The following APBB2 variants were observed in gnomAD, a reference collection of about 807,000 sequenced individuals.
The protein encoded by APBB2 is Fe65-like 1.
APBB2 carries 38 observed loss-of-function variants against 82.5 expected under a neutral mutation model. The ratio of observed to expected loss-of-function variants is 0.46; its 90% CI spans 0.36 to 0.60. The LOEUF (loss-of-function observed/expected upper bound fraction) is 0.60, where lower values mean the gene tolerates loss of function less well. APBB2 is among the 20% of genes least tolerant of loss of function. The pLI is 0.00. For synonymous variants in APBB2, 341 were observed against 368.2 expected (o/e 0.93, Z 0.85); for missense variants, 772 against 972.3 (o/e 0.79, Z 2.74).
intron 1 of APBB2, among the ~76,000 whole-genome samples, chr4:41,148,610 G>A (rs531417425): frequency 3.3e-5 from 5 of 152,334 alleles, no homozygotes; most frequent in African/African-American, 1.2e-4. Flanking sequence ...TGTGATCTGT[G>A]GGAAGGCTCA....
At chr4:41,076,238 T>G (rs1735603353) in intron 3 of APBB2, among the ~76,000 whole-genome samples, 1 of 152,158 alleles carries the variant, frequency 6.6e-6, no homozygotes, top group Non-Finnish European at 1.5e-5. Flanking sequence ...AAGTGTAAGT[T>G]AAGACACAGT....
At chr4:40,967,496 G>A (rs762357388) in intron 6 of APBB2, among the ~76,000 whole-genome samples, 4 of 152,154 alleles carry the variant, frequency 2.6e-5, no homozygotes, top group African/African-American at 4.8e-5. Context: ...GCACCGATGC[G>A]TTTACTGGTG....
chr4:40,903,421 C>G (rs144098206), intron 10 of APBB2, among the ~76,000 whole-genome samples: 1 of 152,142 alleles, frequency 6.6e-6, no homozygotes, highest in Non-Finnish European at 1.5e-5. Flanking sequence ...GAGCCAAGAT[C>G]GTGCCACTGC....
intron 7 of APBB2, among the ~76,000 whole-genome samples, chr4:40,942,033 G>C (rs1207809873): frequency 6.6e-6 from 1 of 152,062 alleles, no homozygotes; most frequent in East Asian, 1.9e-4. Flanking sequence ...TTGGTGACAG[G>C]GTCTGCACAT....
rs928985740 is a variant in APBB2, at chr4:41,065,623, G to A, written c.-98C>T. The A allele has an allele frequency of 2.6e-5, 4 of 151,912 alleles. No individual in the cohort carries two copies. The highest frequency in any genetic ancestry group is 9.7e-5 in the African/African-American group (4 of 41,340). 9.4% of individuals were successfully genotyped at this position (151,912 alleles called of 1,614,324 possible). The stretch of plus-strand genomic sequence containing the variant: ...AGCCCATAGCGACAGTCAACACATT[G>A]GCAGAGGCCTCGGCAGTTCCCAAGT... On this transcript the variant is annotated 5_prime_UTR_variant, in exon 4 of 18. Coordinates refer to ENST00000508593, the MANE Select transcript of APBB2 (RefSeq NM_004307.2).
rs146552453 is a variant in APBB2, at chr4:41,078,077, T to C, written c.-148-12404A>G. Among the ~76,000 whole-genome samples the C allele has an allele frequency of 2.0e-4, 31 of 152,182 alleles. No homozygotes were observed. The East Asian group carries it at 4.2e-3, about 21-fold the overall frequency. On this transcript the variant is annotated intron_variant, in intron 3 of 17. Transcript: ENST00000508593. ...CTGCATAGCTCAGCTGTGAAAAATA[T>C]TTACAGTGAAAACAAACTGAGATAT...
At chr4:41,021,559 C>T (rs899644262) in intron 5 of APBB2, among the ~76,000 whole-genome samples, 5 of 151,936 alleles carry the variant, frequency 3.3e-5, no homozygotes, top group Non-Finnish European at 7.4e-5. Flanking sequence ...TCTGTAAAAA[C>T]GCACCAATCA....
At chr4:40,881,336 C>T in intron 12 of APBB2, 16 of 985,178 alleles carry the variant, frequency 1.6e-5, no homozygotes, top group Non-Finnish European at 1.8e-5. Context: ...TCTTTCATTA[C>T]TGACTGGCTC....
intron 2 of APBB2, among the ~76,000 whole-genome samples, chr4:41,102,729 A>G (rs1745917115): frequency 6.6e-6 from 1 of 152,198 alleles, no homozygotes; most frequent in Non-Finnish European, 1.5e-5. Flanking sequence ...CCACTTCACA[A>G]TAACTCCTAA....
intron 1 of APBB2, among the ~76,000 whole-genome samples, chr4:41,147,569 T>C (rs750797823): frequency 3.3e-5 from 5 of 149,644 alleles, no homozygotes; most frequent in Non-Finnish European, 7.4e-5. Flanking sequence ...CAGCTCACTG[T>C]AACCTCCACC....
chr4:41,134,700 T>C (rs927773333), intron 2 of APBB2, among the ~76,000 whole-genome samples: 1 of 152,130 alleles, frequency 6.6e-6, no homozygotes, highest in African/African-American at 2.4e-5. Context: ...GTTGTGAGGA[T>C]CAAATGAAGT....
intron 11 of APBB2, among the ~76,000 whole-genome samples, chr4:40,892,014 C>T (rs919809061): frequency 6.0e-5 from 9 of 150,256 alleles, no homozygotes; most frequent in Admixed American, 2.0e-4. Context: ...TGCAATGGCA[C>T]GATAGCTCAC....
intron 6 of APBB2, among the ~76,000 whole-genome samples, chr4:40,971,487 A>G (rs1795913330): frequency 6.6e-6 from 1 of 152,210 alleles, no homozygotes; most frequent in Admixed American, 6.5e-5. Flanking sequence ...AAGCAGGAGG[A>G]GCTTTCTCTG....
At chr4:40,889,292 T>G (rs768464196) in intron 12 of APBB2, among the ~76,000 whole-genome samples, 4 of 152,238 alleles carry the variant, frequency 2.6e-5, no homozygotes, top group Non-Finnish European at 5.9e-5. Context: ...AATCCTTCCT[T>G]TCTGGTTTAG....
intron 1 of APBB2, among the ~76,000 whole-genome samples, chr4:41,176,514 C>A (rs1318300809): frequency 2.0e-5 from 3 of 151,760 alleles, no homozygotes; most frequent in African/African-American, 7.3e-5. Context: ...GGTCAAAAAA[C>A]AAAAGCAGAA....
chr4:41,113,637 A>T (rs1178441482), intron 2 of APBB2, among the ~76,000 whole-genome samples: 1 of 152,214 alleles, frequency 6.6e-6, no homozygotes, highest in Non-Finnish European at 1.5e-5. Flanking sequence ...AAAACACTAA[A>T]GGTCTGGGAA....
intron 6 of APBB2, among the ~76,000 whole-genome samples, chr4:40,978,671 TG>T (rs1451405909): frequency 6.6e-6 from 1 of 152,212 alleles, no homozygotes; most frequent in Non-Finnish European, 1.5e-5. Flanking sequence ...ATAAGCTTTC[TG>T]TGGTTCCTTC....
intron 1 of APBB2, among the ~76,000 whole-genome samples, chr4:41,196,262 C>A: frequency 1.6e-4 from 24 of 152,138 alleles, no homozygotes; most frequent in Admixed American, 1.6e-3. Context: ...ATGTCAATTA[C>A]GTACTATGGT....
At chr4:40,935,221 A>G in intron 7 of APBB2, 82 bp from the exon 8 acceptor site, 2 of 1,022,212 alleles carry the variant, frequency 2.0e-6, no homozygotes, top group Admixed American at 2.7e-5. Context: ...AAAACACAAG[A>G]CACTGTTGTT....
Sources: allele counts gnomAD v4.1 joint callset (sites outside exome capture counted in the v4.1 genomes callset), GRCh38; gene constraint gnomAD v4.1.1; transcripts MANE v1.5; gene names NCBI Gene and HGNC (gene_info 2026-07-23, HGNC 2026-07-21).